Variants in DOP1B observed in about 807,000 individuals in gnomAD.
The protein encoded by DOP1B is protein DOP1B.
A neutral mutation model predicts 233.5 loss-of-function variants in DOP1B; 174 were observed. That is an observed-to-expected ratio of 0.75 (90% confidence interval 0.66 to 0.85). The LOEUF is 0.85. Among genes scored for constraint, DOP1B ranks in the 40% least tolerant of loss-of-function variants. DOP1B has a pLI of 0.00. For missense variants in DOP1B, 2,652 were observed against 2,846.6 expected (o/e 0.93, Z 1.56); for synonymous variants, 1,190 against 1,185.6 (o/e 1.00, Z -0.08).
intron 2 of DOP1B, among the ~76,000 whole-genome samples, chr21:36,165,910 T>C (rs991155378): frequency 4.0e-5 from 6 of 149,568 alleles, no homozygotes; most frequent in African/African-American, 1.5e-4. Context: ...AGAGACTGGG[T>C]TTCACCATGT....
chr21:36,193,131 G>A (rs1473156657), intron 2 of DOP1B, among the ~76,000 whole-genome samples: 3 of 152,222 alleles, frequency 2.0e-5, no homozygotes, highest in Admixed American at 1.3e-4. Flanking sequence ...TTGAAGGGGT[G>A]AATAAGTAAT....
At chr21:36,210,320 C>T (rs1169592396) in intron 5 of DOP1B, among the ~76,000 whole-genome samples, 4 of 151,988 alleles carry the variant, frequency 2.6e-5, no homozygotes, top group Non-Finnish European at 4.4e-5. Flanking sequence ...AGCAGCCGGG[C>T]CAACATGATG....
At chr21:36,201,365 T>TTTTTTTTG (rs2066364781) in intron 4 of DOP1B, among the ~76,000 whole-genome samples, 1 of 147,180 alleles carries the variant, frequency 6.8e-6, no homozygotes, top group Non-Finnish European at 1.5e-5. Context: ...TTTTTTTTTT[T>TTTTTTTTG]GAGACAGAGT....
chr21:36,179,996 A>T (rs2066077945), intron 2 of DOP1B, among the ~76,000 whole-genome samples: 1 of 152,178 alleles, frequency 6.6e-6, no homozygotes. Flanking sequence ...CACAGATGCC[A>T]GAGCCACAGC....
intron 32 of DOP1B, among the ~76,000 whole-genome samples, chr21:36,283,422 A>G (rs962490508): frequency 2.4e-5 from 3 of 123,146 alleles, no homozygotes; most frequent in African/African-American, 6.0e-5. Flanking sequence ...AACAGCGTTG[A>G]CTCGTTAGTC....
At chr21:36,266,302 G>A (rs886264363) in intron 26 of DOP1B, among the ~76,000 whole-genome samples, 12 of 151,976 alleles carry the variant, frequency 7.9e-5, no homozygotes, top group Non-Finnish European at 1.6e-4. Context: ...TCAGCCTCCC[G>A]AGTAGCTGGG....
Position 36,293,560 on chromosome 21 carries a change from C to G in DOP1B, c.6886C>G (p.Pro2296Ala), listed in dbSNP as rs1601490753. The change falls in exon 37 of 37, where the codon CCA becomes GCA. Residue 2296 changes from proline (P) to alanine (A), a missense_variant. This residue lies in a region of DOP1B where 31 missense variants were observed against 34.2 expected (regional missense o/e 0.91). Coordinates refer to ENST00000691173, the MANE Select transcript of DOP1B (RefSeq NM_001320714.2). ...ECIEYDFLEH[P>A]EC ...CATCGAATATGATTTTCTGGAACATCCAGAATGTTAACCATGTGAGAGAGA... is the reference window on the plus strand; with the variant it reads ...CATCGAATATGATTTTCTGGAACATGCAGAATGTTAACCATGTGAGAGAGA... The G allele has an allele frequency of 6.2e-7, 1 of 1,614,060 alleles. No individual in the cohort carries two copies. Among genetic ancestry groups the G allele is most frequent in the Non-Finnish European group, 8.5e-7 (1 of 1,179,934 alleles).
intron 7 of DOP1B, among the ~76,000 whole-genome samples, 197 bp from the exon 8 acceptor site, chr21:36,213,884 G>A (rs939428908): frequency 1.3e-5 from 2 of 152,022 alleles, no homozygotes; most frequent in Admixed American, 1.3e-4. Context: ...ACCCATTGAG[G>A]TGGAATTCTG....
intron 1 of DOP1B, among the ~76,000 whole-genome samples, chr21:36,163,336 C>G (rs1474236542): frequency 9.0e-6 from 1 of 111,320 alleles, no homozygotes; most frequent in Admixed American, 1.1e-4. Context: ...AAGAGTGAGA[C>G]TCTGTCTCAA....
In DOP1B at chr21:36,246,009, C is replaced by T. The variant is rs150994734; in HGVS notation, c.4029C>T (p.Asp1343=). 86 of 1,614,012 alleles carry T rather than the reference C, an allele frequency of 5.3e-5. 1 individual carries two copies. The African/African-American group carries it at 6.0e-4, about 11-fold the overall frequency. ...VSHRDILGNR[D]VQVKSVEVLI... is the part of the protein sequence containing the mutation. ...ACCGAGACATTCTCGGCAACCGGGA[C>T]GTGCAGGTCAAAAGTGTCGAGGTTT... is the stretch of plus-strand genomic sequence containing the variant. Residue 1343 remains aspartate, a synonymous_variant, in exon 19 of 37, where the codon GAC becomes GAT. Transcript: ENST00000691173. The surrounding 1 kb of genome is among the most constrained non-coding windows in gnomAD (Gnocchi z 5.1).
At chr21:36,204,097 A>G (rs767257753) in intron 4 of DOP1B, among the ~76,000 whole-genome samples, 22 of 152,106 alleles carry the variant, frequency 1.4e-4, no homozygotes, top group Non-Finnish European at 2.8e-4. Flanking sequence ...CTCAGGGTAC[A>G]TTTGACAATA....
chr21:36,227,408 G>C (rs569151697), intron 12 of DOP1B, among the ~76,000 whole-genome samples: 2 of 151,192 alleles, frequency 1.3e-5, no homozygotes, highest in African/African-American at 4.9e-5. Flanking sequence ...TTAGCCGGGC[G>C]TGGTGGTGGG....
chr21:36,205,207 G>A (rs1344979015), intron 4 of DOP1B, among the ~76,000 whole-genome samples: 3 of 152,300 alleles, frequency 2.0e-5, no homozygotes, highest in East Asian at 1.9e-4. Flanking sequence ...TGGGATTTGC[G>A]GTGCCCGGCC....
At chr21:36,195,169 G>C (rs1284817916) in intron 2 of DOP1B, among the ~76,000 whole-genome samples, 1 of 151,994 alleles carries the variant, frequency 6.6e-6, no homozygotes, top group Non-Finnish European at 1.5e-5. Flanking sequence ...GGCTCAACTT[G>C]TCTCTACTAA....
At chr21:36,253,603 A>T (rs1433659875) in intron 22 of DOP1B, among the ~76,000 whole-genome samples, 169 bp from the exon 23 acceptor site, 2 of 149,332 alleles carry the variant, frequency 1.3e-5, no homozygotes, top group Non-Finnish European at 3.0e-5. Flanking sequence ...GCACCACTGC[A>T]CTCCAGCCTG....
intron 36 of DOP1B, among the ~76,000 whole-genome samples, chr21:36,293,041 T>C (rs1224907378): frequency 6.6e-6 from 1 of 151,994 alleles, no homozygotes; most frequent in Non-Finnish European, 1.5e-5. Flanking sequence ...ACTCCATCTC[T>C]ACAAAAATAC....
At chr21:36,160,285 C>G (rs1399479578) in intron 1 of DOP1B, among the ~76,000 whole-genome samples, 1 of 152,140 alleles carries the variant, frequency 6.6e-6, no homozygotes, top group East Asian at 1.9e-4. Context: ...AAGGGACAGG[C>G]CTTCCCAGGA....
intron 2 of DOP1B, among the ~76,000 whole-genome samples, chr21:36,172,621 C>T (rs2065982598): frequency 6.6e-6 from 1 of 151,942 alleles, no homozygotes; most frequent in South Asian, 2.1e-4. Context: ...AATTATCTGG[C>T]CATGGTGGTG....
intron 11 of DOP1B, among the ~76,000 whole-genome samples, chr21:36,224,845 A>G (rs2066663861): frequency 6.6e-6 from 1 of 151,940 alleles, no homozygotes. Flanking sequence ...AGGTGCTGAT[A>G]AACTCCTGGA....
Sources: gnomAD v4.1 joint callset for allele counts (sites outside exome capture counted in the v4.1 genomes callset) on GRCh38, gnomAD v4.1.1 for gene constraint, gnomAD v4.1.1 regional missense constraint, Gnocchi (gnomAD v3.1) non-coding constraint, MANE v1.5 for transcripts, NCBI Gene and HGNC (gene_info 2026-07-23, HGNC 2026-07-21) for gene names.